ITGAM: variants seen among roughly 807,000 people sequenced by gnomAD.
The protein encoded by ITGAM is integrin subunit alpha M, also known as integrin alpha-M.
A neutral mutation model predicts 137.5 loss-of-function variants in ITGAM; 79 were observed. The observed-to-expected ratio is 0.57, with a 90% CI of 0.48 to 0.69. ITGAM has a LOEUF of 0.69. Among genes scored for constraint, ITGAM ranks in the 30% least tolerant of loss-of-function variants. The pLI, the probability that ITGAM is intolerant of heterozygous loss-of-function variation, is 0.00. For missense variants in ITGAM, 1,343 were observed against 1,483.5 expected, an observed-to-expected ratio of 0.91 and a Z score of 1.56; for synonymous variants, 583 against 592.3, an observed-to-expected ratio of 0.98 and a Z score of 0.23.
In ITGAM at chr16:31,260,000, G is replaced by A; in HGVS notation, c.-65G>A. On this transcript the variant is annotated 5_prime_UTR_variant, in exon 1 of 30. The change creates a new upstream start codon in the 5' untranslated region. Coordinates refer to ENST00000544665, the MANE Select transcript of ITGAM (RefSeq NM_000632.4). ...CCTTCTTTGCTTTGGTGGCTTCCTT[G>A]TGGTTCCTCAGTGGTGCCTGCAACC... The A allele has an allele frequency of 1.4e-6, 2 of 1,414,350 alleles. No homozygotes were observed. Among genetic ancestry groups the A allele is most frequent in the Non-Finnish European group, 2.0e-6 (2 of 1,018,302 alleles). The allele number at this position is 1,414,350 out of a possible 1,614,324, so 87.6% of individuals were successfully genotyped here. A position where few individuals can be genotyped will look rare whatever the true frequency, so the allele number is the denominator to read the frequency against.
chr16:31,321,079 C>A (rs1173683619), intron 14 of ITGAM, among the ~76,000 whole-genome samples, 162 bp from the exon 15 acceptor site: 1 of 152,074 alleles, frequency 6.6e-6, no homozygotes, highest in Non-Finnish European at 1.5e-5. Context: ...GTGAATAATT[C>A]CTTGATAAGT....
chr16:31,260,926 T>C (rs2079691672), intron 1 of ITGAM, among the ~76,000 whole-genome samples: 3 of 152,250 alleles, frequency 2.0e-5, no homozygotes, highest in African/African-American at 7.2e-5. Flanking sequence ...ACAAACAAAT[T>C]GTACTCAATC....
intron 12 of ITGAM, among the ~76,000 whole-genome samples, chr16:31,282,414 G>A (rs1235301518): frequency 6.6e-6 from 1 of 152,174 alleles, no homozygotes; most frequent in Admixed American, 6.5e-5. Flanking sequence ...TGTACTGGGT[G>A]CATATATACT....
Position 31,278,028 on chromosome 16 carries a change from A to G in ITGAM, c.1275A>G (p.Arg425=). The G allele has an allele frequency of 6.2e-7, 1 of 1,607,088 alleles. No homozygotes were observed. Among genetic ancestry groups the G allele is most frequent in the East Asian group, 2.2e-5 (1 of 44,636 alleles). ...AAAGCCTGGTTCTGGGGGCACCTCG[A>G]TATCAGCACATCGGCCTGGTAGCGA... ...RVQSLVLGAP[R]YQHIGLVAMF... Residue 425 remains arginine (R), a synonymous_variant, in exon 12 of 30, where the codon CGA becomes CGG. Coordinates refer to ENST00000544665, the MANE Select transcript of ITGAM (RefSeq NM_000632.4).
At chr16:31,276,181 G>C (rs1484701948) in intron 9 of ITGAM, among the ~76,000 whole-genome samples, 1 of 152,212 alleles carries the variant, frequency 6.6e-6, no homozygotes, top group Non-Finnish European at 1.5e-5. Flanking sequence ...CACTTGGCAG[G>C]ATGTTGCTGG....
rs1597047205 is a variant in ITGAM at position 31,331,932 on chromosome 16, T to C, written c.*225T>C. ...GCGTGCATGTGCACTTGCACGCCCATGTGTGAGTGTGTGCAAGTATGTGAG... is the reference window on the plus strand; with the variant it reads ...GCGTGCATGTGCACTTGCACGCCCACGTGTGAGTGTGTGCAAGTATGTGAG... On this transcript the variant is annotated 3_prime_UTR_variant, in exon 30 of 30. Transcript: ENST00000544665. 1.1e-5 allele frequency: 6 copies of C among 563,224 alleles called. No individual in the cohort carries two copies. The highest frequency in any genetic ancestry group is 3.1e-5 in the East Asian group (1 of 32,704). The allele number at this position is 563,224 out of a possible 1,614,324, so 34.9% of individuals were successfully genotyped here.
At chr16:31,305,391 ATC>A (rs1567269762) in intron 14 of ITGAM, among the ~76,000 whole-genome samples, 31 of 152,298 alleles carry the variant, frequency 2.0e-4, no homozygotes, top group African/African-American at 7.5e-4. Context: ...AAATGATCAT[ATC>A]ATTGGCAAAC....
At position 31,325,401 on chromosome 16, in the gene ITGAM, C is replaced by T; in HGVS notation, c.2502C>T (p.Leu834=). 1 of 1,612,802 alleles carries T rather than the reference C, an allele frequency of 6.2e-7. No homozygotes were observed. The highest frequency in any genetic ancestry group is 1.1e-5 in the South Asian group (1 of 90,952). ...TGTCCTACCGGAAGGTGTCCACGCT[C>T]CAGGTAGCCACATCCTTCTCAGGCT... ...LDLSYRKVST[L]QNQRSQRSWR... The change falls in exon 20 of 30, where the codon CTC becomes CTT. Residue 834 remains leucine (L), a synonymous_variant. Coordinates refer to ENST00000544665, the MANE Select transcript of ITGAM (RefSeq NM_000632.4).
At chr16:31,273,564 A>C in intron 8 of ITGAM, 46 bp downstream of exon 8, 3 of 1,582,436 alleles carry the variant, frequency 1.9e-6, no homozygotes, top group Admixed American at 1.7e-5. Context: ...GAGGGTTTCT[A>C]TGTGGATCCA....
rs909613572 is a variant in ITGAM at position 31,285,802 on chromosome 16, C to CTTT, written c.1356+7704_1356+7706dup. On this transcript the variant is annotated intron_variant, in intron 12 of 29. Transcript: ENST00000544665. ...TTTCTTTTTCTTTTCTTTTCTCTCT[C>CTTT]TTTTTTTTTTTTTAGAGACAGGGTC... Among the ~76,000 whole-genome samples the CTTT allele has an allele frequency of 5.1e-4, 74 of 143,714 alleles. 1 individual carries two copies. The South Asian group carries it at 0.016, about 32-fold the overall frequency. The allele number at this position is 143,714 out of a possible 152,430, so 94.3% of individuals were successfully genotyped here.
At chr16:31,298,873 A>G (rs1422048787) in intron 14 of ITGAM, among the ~76,000 whole-genome samples, 1 of 152,038 alleles carries the variant, frequency 6.6e-6, no homozygotes, top group East Asian at 1.9e-4. Flanking sequence ...TTGTCACCCT[A>G]TATTCTGGAC....
Position 31,324,267 on chromosome 16 carries a change from A to G in ITGAM, c.2003-132A>G. 1.6e-6 allele frequency: 1 copy of G among 621,440 alleles called. No individual in the cohort carries two copies. The highest frequency in any genetic ancestry group is 2.8e-6 in the Non-Finnish European group (1 of 361,384). 38.5% of individuals were successfully genotyped at this position (621,440 alleles called of 1,614,324 possible). On this transcript the variant is annotated intron_variant, in intron 16 of 29. Coordinates refer to ENST00000544665, the MANE Select transcript of ITGAM (RefSeq NM_000632.4). This position sits in a 1 kb window ranked among gnomAD's most constrained non-coding sequence, Gnocchi z 4.5. ...AAAGAAAAAGGAAGGAAGGAAGGAA[A>G]GAAGACTCAGAGAAGTCAGATAACA...
chr16:31,301,419 C>CTA (rs766991925), intron 14 of ITGAM, among the ~76,000 whole-genome samples: 1 of 152,124 alleles, frequency 6.6e-6, no homozygotes, highest in Non-Finnish European at 1.5e-5. Flanking sequence ...TTCCATTTGT[C>CTA]TATATGTCTA....
At chr16:31,280,344 C>T (rs1030429368) in intron 12 of ITGAM, among the ~76,000 whole-genome samples, 1 of 152,114 alleles carries the variant, frequency 6.6e-6, no homozygotes, top group African/African-American at 2.4e-5. Context: ...GCCATTTTCA[C>T]GATATTGATT....
chr16:31,268,903 A>G (rs2079799157), intron 5 of ITGAM, among the ~76,000 whole-genome samples: 1 of 152,200 alleles, frequency 6.6e-6, no homozygotes, highest in African/African-American at 2.4e-5. Flanking sequence ...TAACTGCCCA[A>G]GGGGTTCACC....
intron 16 of ITGAM, among the ~76,000 whole-genome samples, chr16:31,322,902 C>G (rs1164766446): frequency 6.6e-6 from 1 of 151,950 alleles, no homozygotes; most frequent in African/African-American, 2.4e-5. Context: ...AGAAGACAGT[C>G]ATTTGAAAGT....
intron 16 of ITGAM, among the ~76,000 whole-genome samples, chr16:31,323,293 G>A (rs2144487455): frequency 6.6e-6 from 1 of 152,146 alleles, no homozygotes; most frequent in Middle Eastern, 3.4e-3. Context: ...TAGCAGGTGT[G>A]GTGGTATGCG....
chr16:31,297,403 T>C, intron 12 of ITGAM, 111 bp from the exon 13 acceptor site: 1 of 1,375,866 alleles, frequency 7.3e-7, no homozygotes, highest in South Asian at 1.2e-5. Context: ...GAAGATCACA[T>C]CTGCTCCAGA....
rs571487001 is a variant in ITGAM, at chr16:31,288,355, AAATGTTTCAT to A, written c.1357-9158_1357-9149del. Among the ~76,000 whole-genome samples, 380 of 152,320 alleles carry A rather than the reference AAATGTTTCAT, an allele frequency of 2.5e-3. 2 individuals are homozygous for A. The highest frequency in any genetic ancestry group is 9.0e-3 in the African/African-American group (373 of 41,568). On this transcript the variant is annotated intron_variant, in intron 12 of 29. Transcript: ENST00000544665. ...GGACCCATATATTAGACTTATACCT[AAATGTTTCAT>A]GACCTTTGGCACTATTGTAAATTGT...
Sources: gnomAD v4.1 joint callset for allele counts (sites outside exome capture counted in the v4.1 genomes callset) on GRCh38, gnomAD v4.1.1 for gene constraint, Gnocchi (gnomAD v3.1) non-coding constraint, MANE v1.5 for transcripts, NCBI Gene and HGNC (gene_info 2026-07-23, HGNC 2026-07-21) for gene names.